The following MAPKAP1 variants were observed in gnomAD, a reference collection of about 807,000 sequenced individuals.
MAPKAP1 encodes target of rapamycin complex 2 subunit MAPKAP1.
Under a neutral mutation model 65.7 loss-of-function variants are expected in MAPKAP1, and 20 were observed. The observed-to-expected ratio is 0.30, with a 90% confidence interval of 0.21 to 0.44. The LOEUF is 0.44. Among genes scored for constraint, MAPKAP1 ranks in the 20% least tolerant of loss-of-function variants. MAPKAP1 has a pLI of 1.00. For synonymous variants in MAPKAP1, 222 were observed against 244.3 expected, an observed-to-expected ratio of 0.91 and a Z score of 0.85; for missense variants, 423 against 648.0, an observed-to-expected ratio of 0.65 and a Z score of 3.77.
chr9:125,661,666 A>G (rs555392565), intron 3 of MAPKAP1, among the ~76,000 whole-genome samples: 8 of 152,334 alleles, frequency 5.3e-5, no homozygotes, highest in Non-Finnish European at 1.2e-4. Flanking sequence ...AAAAATGACT[A>G]TAAAAGAGTG....
At chr9:125,625,251 T>TAAAA (rs1833073598) in intron 4 of MAPKAP1, among the ~76,000 whole-genome samples, 11 of 10,464 alleles carry the variant, frequency 1.1e-3, no homozygotes, top group African/African-American at 2.3e-3. Flanking sequence ...AAAAAATAAA[T>TAAAA]AAATAAAAAA....
At chr9:125,672,249 T>C (rs1834518625) in intron 2 of MAPKAP1, 67 bp downstream of exon 2, 3 of 1,545,564 alleles carry the variant, frequency 1.9e-6, no homozygotes, top group Admixed American at 3.5e-5. Context: ...TCCAATATTA[T>C]GCATTATTCC....
intron 4 of MAPKAP1, among the ~76,000 whole-genome samples, chr9:125,648,302 G>A (rs754078078): frequency 6.6e-6 from 1 of 152,164 alleles, no homozygotes; most frequent in Non-Finnish European, 1.5e-5. Flanking sequence ...GGATAATTAA[G>A]AGGAAAGTTC....
chr9:125,452,865 G>T (rs115343175), intron 10 of MAPKAP1, among the ~76,000 whole-genome samples: 4,564 of 152,006 alleles, frequency 0.03, 87 homozygotes, highest in South Asian at 0.057. Flanking sequence ...GTACTCCAGC[G>T]TGGGTAACAC....
intron 9 of MAPKAP1, among the ~76,000 whole-genome samples, chr9:125,481,537 C>T (rs1434087714): frequency 3.3e-5 from 5 of 152,032 alleles, no homozygotes; most frequent in South Asian, 2.1e-4. Context: ...ATCCTCCCAT[C>T]GCAGCCTCCT....
intron 6 of MAPKAP1, among the ~76,000 whole-genome samples, chr9:125,544,742 C>CA (rs1240921573): frequency 6.6e-6 from 1 of 152,024 alleles, no homozygotes; most frequent in East Asian, 1.9e-4. Context: ...GGAATGTGGC[C>CA]AAAAAACATG....
At chr9:125,617,287 C>T (rs1457151632) in intron 4 of MAPKAP1, among the ~76,000 whole-genome samples, 13 of 152,166 alleles carry the variant, frequency 8.5e-5, no homozygotes, top group South Asian at 8.3e-4. Context: ...AAAGGAGATC[C>T]TGTTGCTACA....
At chr9:125,693,668 T>TATAC (rs1835265521) in intron 1 of MAPKAP1, among the ~76,000 whole-genome samples, 1 of 129,384 alleles carries the variant, frequency 7.7e-6, no homozygotes, top group African/African-American at 2.8e-5. Flanking sequence ...TACACACACA[T>TATAC]ATACACGTAT....
In MAPKAP1 at chr9:125,561,822, G is replaced by A. The variant is rs574040627; in HGVS notation, c.672-2013C>T. 7.9e-5 allele frequency among the ~76,000 whole-genome samples: 12 copies of A among 152,174 alleles called. No individual in the cohort carries two copies. The South Asian group carries it at 1.9e-3, about 24-fold the overall frequency. ...AACAGAAGTAAAAAATAAATGGGAA[G>A]GTAACTATAATAAGAAAGTCATATG... On this transcript the variant is annotated intron_variant, in intron 5 of 11. Transcript: ENST00000265960.
At chr9:125,454,742 G>A (rs1049130106) in intron 10 of MAPKAP1, among the ~76,000 whole-genome samples, 2 of 152,060 alleles carry the variant, frequency 1.3e-5, no homozygotes, top group Non-Finnish European at 2.9e-5. Flanking sequence ...TATTATTTCA[G>A]TTCTGTCATT....
intron 4 of MAPKAP1, among the ~76,000 whole-genome samples, chr9:125,622,700 T>A (rs1832943526): frequency 6.6e-6 from 1 of 152,130 alleles, no homozygotes. Context: ...CATCTTGGCC[T>A]CCCAAAGTGC....
intron 1 of MAPKAP1, among the ~76,000 whole-genome samples, chr9:125,699,185 T>C (rs1835522478): frequency 6.6e-6 from 1 of 152,148 alleles, no homozygotes; most frequent in Non-Finnish European, 1.5e-5. Flanking sequence ...TTTACACACA[T>C]AGCCTGAAGG....
intron 7 of MAPKAP1, chr9:125,542,851 A>G (rs945987122): frequency 4.2e-6 from 3 of 718,296 alleles, no homozygotes; most frequent in Non-Finnish European, 7.7e-6. Context: ...ATATGAATAC[A>G]TTCTTCTCAC....
chr9:125,573,561 A>T (rs1284656079), intron 5 of MAPKAP1, among the ~76,000 whole-genome samples: 2 of 152,192 alleles, frequency 1.3e-5, no homozygotes, highest in African/African-American at 4.8e-5. Flanking sequence ...TTTCTTAACA[A>T]ACTTGCTTTC....
intron 4 of MAPKAP1, among the ~76,000 whole-genome samples, chr9:125,645,434 TA>T (rs1281759858): frequency 2.0e-5 from 3 of 152,154 alleles, no homozygotes; most frequent in African/African-American, 7.2e-5. Context: ...AAGCTAATTT[TA>T]CTTAAAAAGA....
At chr9:125,582,014 C>T (rs1221753859) in intron 5 of MAPKAP1, among the ~76,000 whole-genome samples, 5 of 151,628 alleles carry the variant, frequency 3.3e-5, no homozygotes, top group Non-Finnish European at 5.9e-5. Flanking sequence ...TGAATCTTTC[C>T]TTCATGTCTC....
intron 1 of MAPKAP1, among the ~76,000 whole-genome samples, chr9:125,694,028 A>T (rs1161590321): frequency 1.3e-5 from 2 of 151,708 alleles, no homozygotes; most frequent in African/African-American, 4.8e-5. Context: ...ATTTTTTTTT[A>T]ATTTTTAAAA....
rs1830918240 is a variant in MAPKAP1 at position 125,562,411 on chromosome 9, T to C, written c.672-2602A>G. On this transcript the variant is annotated intron_variant, in intron 5 of 11. Transcript: ENST00000265960. ...GAGGAAGGAAAAGAAGACTGATTCC[T>C]GCCATATTATACAAGATGAATAGAA... Among the ~76,000 whole-genome samples, 7 of 152,362 alleles carry C rather than the reference T, an allele frequency of 4.6e-5. No homozygotes were observed. In the South Asian group the frequency reaches 1.5e-3, roughly 32 times the overall value.
rs1236575039 is a variant in MAPKAP1, at chr9:125,633,462, G to T, written c.498+24189C>A. The stretch of plus-strand genomic sequence containing the variant: ...TAGAACACATATTAGATTAAGCTGA[G>T]ACAGAAAGTAATCCTTACATAAAAG... On this transcript the variant is annotated intron_variant, in intron 4 of 11. Coordinates refer to ENST00000265960, the MANE Select transcript of MAPKAP1 (RefSeq NM_001006617.3). 2.0e-5 allele frequency among the ~76,000 whole-genome samples: 3 copies of T among 152,170 alleles called. No individual in the cohort carries two copies. The South Asian group carries it at 6.2e-4, about 31-fold the overall frequency.
Sources: gnomAD v4.1 joint callset for allele counts (sites outside exome capture counted in the v4.1 genomes callset) on GRCh38, gnomAD v4.1.1 for gene constraint, MANE v1.5 for transcripts, NCBI Gene and HGNC (gene_info 2026-07-23, HGNC 2026-07-21) for gene names.